The following DTNB variants were observed in gnomAD, a reference collection of about 807,000 sequenced individuals.
DTNB encodes dystrobrevin beta.
Under a neutral mutation model 90.7 loss-of-function variants are expected in DTNB, and 63 were observed. The observed-to-expected ratio is 0.69, with a 90% CI of 0.57 to 0.86. The LOEUF (loss-of-function observed/expected upper bound fraction) is 0.86, where lower values mean the gene tolerates loss of function less well. DTNB is among the 40% of genes least tolerant of loss of function. The pLI is 0.00. For synonymous variants in DTNB, 277 were observed against 286.7 expected (o/e 0.97, Z 0.34); for missense variants, 744 against 807.1 (o/e 0.92, Z 0.95).
intron 5 of DTNB, among the ~76,000 whole-genome samples, chr2:25,604,688 G>A (rs2066696912): frequency 6.6e-6 from 1 of 152,118 alleles, no homozygotes; most frequent in Admixed American, 6.5e-5. Flanking sequence ...CATCTCCTGG[G>A]CTCAAGCAAT....
intron 9 of DTNB, among the ~76,000 whole-genome samples, chr2:25,521,279 C>T (rs2076085054): frequency 6.6e-6 from 1 of 152,056 alleles, no homozygotes; most frequent in Non-Finnish European, 1.5e-5. Context: ...ATAATATAAG[C>T]TCTAAGGGCC....
chr2:25,593,594 T>C (rs905807812), intron 6 of DTNB, among the ~76,000 whole-genome samples: 17 of 152,210 alleles, frequency 1.1e-4, no homozygotes, highest in African/African-American at 2.4e-5. Flanking sequence ...GATTTTTTTT[T>C]ACAGGAATAT....
intron 2 of DTNB, among the ~76,000 whole-genome samples, chr2:25,651,914 A>G (rs1237717658): frequency 6.6e-6 from 1 of 152,168 alleles, no homozygotes; most frequent in African/African-American, 2.4e-5. Flanking sequence ...AGGTTTCCTA[A>G]TCTCTGGTCC....
At chr2:25,382,772 G>T (rs1205575281) in intron 19 of DTNB, among the ~76,000 whole-genome samples, 1 of 151,864 alleles carries the variant, frequency 6.6e-6, no homozygotes, top group African/African-American at 2.4e-5. Context: ...CAAGTGATCC[G>T]CCCGCCTCGG....
intron 10 of DTNB, among the ~76,000 whole-genome samples, chr2:25,474,737 G>C (rs1041544243): frequency 6.6e-6 from 1 of 152,178 alleles, no homozygotes; most frequent in Non-Finnish European, 1.5e-5. Flanking sequence ...GCAACCCTGA[G>C]TTGAGCAAGG....
At chr2:25,440,819 T>G (rs531476791) in intron 12 of DTNB, among the ~76,000 whole-genome samples, 104 of 152,346 alleles carry the variant, frequency 6.8e-4, no homozygotes, top group Non-Finnish European at 1.2e-3. Context: ...AGTATTTTAA[T>G]GCAAATTCTT....
chr2:25,398,333 G>A (rs954368748), intron 16 of DTNB, among the ~76,000 whole-genome samples: 9 of 152,330 alleles, frequency 5.9e-5, no homozygotes, highest in East Asian at 1.9e-4. Context: ...GAAAAGCTAC[G>A]ACTCCTGGGC....
intron 9 of DTNB, among the ~76,000 whole-genome samples, chr2:25,488,823 G>C (rs1408949901): frequency 6.6e-6 from 1 of 152,124 alleles, no homozygotes; most frequent in Non-Finnish European, 1.5e-5. Flanking sequence ...GCTAATTTTT[G>C]TATTTTTTGT....
chr2:25,504,291 GGAAAGAAAGAAGGAAA>G (rs1195528331), intron 9 of DTNB, among the ~76,000 whole-genome samples: 18 of 144,828 alleles, frequency 1.2e-4, no homozygotes, highest in Admixed American at 2.9e-4. Flanking sequence ...ATGGAAGGAA[GGAAAGAAAGAAGGAAA>G]GAAAGAAAGA....
At chr2:25,419,278 G>A (rs1388089080) in intron 16 of DTNB, 7 of 609,644 alleles carry the variant, frequency 1.1e-5, no homozygotes, top group Middle Eastern at 2.7e-4. Flanking sequence ...ACTTCAATGC[G>A]CACAACAGAT....
At chr2:25,558,314 TAA>T in intron 8 of DTNB, 5 of 985,418 alleles carry the variant, frequency 5.1e-6, no homozygotes, top group Non-Finnish European at 6.0e-6. Context: ...CAGAAACAGA[TAA>T]GCAATTCACA....
intron 16 of DTNB, among the ~76,000 whole-genome samples, chr2:25,411,946 G>A (rs1439230898): frequency 1.3e-5 from 2 of 152,324 alleles, no homozygotes; most frequent in East Asian, 3.9e-4. Context: ...GCAGAAGCAT[G>A]TGAATCTGAA....
chr2:25,396,708 C>T (rs1218230643), intron 16 of DTNB, among the ~76,000 whole-genome samples: 2 of 133,892 alleles, frequency 1.5e-5, no homozygotes, highest in Admixed American at 1.6e-4. Flanking sequence ...CCCCCAAAAC[C>T]TATTGAAATT....
intron 5 of DTNB, among the ~76,000 whole-genome samples, chr2:25,597,987 A>T (rs2064996396): frequency 6.6e-6 from 1 of 152,248 alleles, no homozygotes; most frequent in Non-Finnish European, 1.5e-5. Flanking sequence ...GCCAGTAGCC[A>T]CATTATCCTC....
chr2:25,472,495 C>T (rs1384623321), intron 10 of DTNB, among the ~76,000 whole-genome samples: 1 of 152,132 alleles, frequency 6.6e-6, no homozygotes, highest in Non-Finnish European at 1.5e-5. Flanking sequence ...GAAACAAGGG[C>T]CTTGTAAGCC....
chr2:25,666,531 T>C lies in DTNB; in HGVS notation c.-2+6855A>G, dbSNP rs1187586349. Among the ~76,000 whole-genome samples, 4 of 152,192 alleles carry C rather than the reference T, an allele frequency of 2.6e-5. No individual in the cohort carries two copies. The East Asian group carries it at 7.7e-4, about 29-fold the overall frequency. On this transcript the variant is annotated intron_variant, in intron 1 of 20. Transcript: ENST00000406818. ...GGCAATGCCATAACAAAGAAAAAAG[T>C]CTTTGTATAAAGTTGAGAAAGGAGC... is the stretch of plus-strand genomic sequence containing the variant.
chr2:25,511,428 T>C (rs1017358971), intron 9 of DTNB, among the ~76,000 whole-genome samples: 2 of 152,066 alleles, frequency 1.3e-5, no homozygotes, highest in African/African-American at 4.8e-5. Context: ...ACCTCCTGGG[T>C]TAAAACGATA....
At chr2:25,665,158 C>T (rs559937052) in intron 1 of DTNB, among the ~76,000 whole-genome samples, 2 of 152,332 alleles carry the variant, frequency 1.3e-5, no homozygotes, top group African/African-American at 4.8e-5. Context: ...CAGGATGTCT[C>T]TGTACATGCC....
intron 3 of DTNB, among the ~76,000 whole-genome samples, chr2:25,638,623 T>TAA (rs768788369): frequency 6.6e-6 from 1 of 152,232 alleles, no homozygotes; most frequent in Admixed American, 6.5e-5. Context: ...AAAAGGTTGA[T>TAA]TCATGTTACA....
Sources: allele counts gnomAD v4.1 joint callset (sites outside exome capture counted in the v4.1 genomes callset), GRCh38; gene constraint gnomAD v4.1.1; transcripts MANE v1.5; gene names NCBI Gene and HGNC (gene_info 2026-07-23, HGNC 2026-07-21).